Variants in NALF1 observed in about 807,000 individuals in gnomAD.
NALF1 encodes family with sequence similarity 155 member A.
NALF1 carries 3 observed loss-of-function variants against 48.4 expected under a neutral mutation model. The observed-to-expected ratio is 0.06, with a 90% CI of 0.03 to 0.16. NALF1 has a LOEUF of 0.16. Among genes scored for constraint, NALF1 ranks in the 10% least tolerant of loss-of-function variants. NALF1 has a pLI of 1.00. For synonymous variants in NALF1, 262 were observed against 245.7 expected (o/e 1.07, Z -0.62); for missense variants, 526 against 571.5 (o/e 0.92, Z 0.81).
chr13:107,595,774 T>C (rs1018482915), intron 1 of NALF1, among the ~76,000 whole-genome samples: 1 of 152,094 alleles, frequency 6.6e-6, no homozygotes, highest in African/African-American at 2.4e-5. Context: ...AACTGCAAAA[T>C]CAAGGCTCAA....
intron 1 of NALF1, among the ~76,000 whole-genome samples, chr13:107,211,558 T>C (rs1879762449): frequency 6.6e-6 from 1 of 152,120 alleles, no homozygotes; most frequent in Non-Finnish European, 1.5e-5. Flanking sequence ...ATTGAAAAAA[T>C]TGCCTTTTTC....
At chr13:107,675,241 C>G (rs1208210334) in intron 1 of NALF1, among the ~76,000 whole-genome samples, 2 of 152,150 alleles carry the variant, frequency 1.3e-5, no homozygotes, top group African/African-American at 4.8e-5. Context: ...GGTATTTGTC[C>G]CTGGATGTTA....
chr13:107,403,215 T>A (rs1159848874), intron 1 of NALF1, among the ~76,000 whole-genome samples: 2 of 134,884 alleles, frequency 1.5e-5, no homozygotes, highest in Admixed American at 7.5e-5. Context: ...TTTTTTTTTT[T>A]TTTATCATTT....
chr13:107,437,440 T>G (rs957115093), intron 1 of NALF1, among the ~76,000 whole-genome samples: 1 of 152,214 alleles, frequency 6.6e-6, no homozygotes, highest in Non-Finnish European at 1.5e-5. Flanking sequence ...AAGAGAATGC[T>G]TATTGCAGAT....
intron 1 of NALF1, among the ~76,000 whole-genome samples, chr13:107,317,496 T>A (rs550450790): frequency 2.0e-5 from 3 of 152,144 alleles, no homozygotes; most frequent in South Asian, 4.1e-4. Flanking sequence ...CTGGGAATAA[T>A]CTTTAGATGC....
intron 1 of NALF1, among the ~76,000 whole-genome samples, chr13:107,363,097 T>C (rs11620205): frequency 0.26 from 39,978 of 152,098 alleles, 6,264 homozygotes; most frequent in South Asian, 0.36. Context: ...TGTTTCAAAA[T>C]CCTTAAGTCA....
chr13:107,491,940 C>T (rs61965898), intron 1 of NALF1, among the ~76,000 whole-genome samples: 8,162 of 151,158 alleles, frequency 0.054, 317 homozygotes, highest in Non-Finnish European at 0.083. Context: ...TTATTATTAT[C>T]CTGCTGAAAG....
At chr13:107,352,222 G>A (rs1481668560) in intron 1 of NALF1, among the ~76,000 whole-genome samples, 1 of 152,128 alleles carries the variant, frequency 6.6e-6, no homozygotes, top group Non-Finnish European at 1.5e-5. Flanking sequence ...TCATGGGAAG[G>A]AAAGTCTAAT....
chr13:107,867,003 T>G lies in NALF1; in HGVS notation c.-407A>C, dbSNP rs1187783562. On this transcript the variant is annotated 5_prime_UTR_variant, in exon 1 of 3. Transcript: ENST00000375915. The surrounding 1 kb of genome is among the most constrained non-coding windows in gnomAD (Gnocchi z 4.4). ...GAGGTGACAGGGTGGCTGGCGCGGCTCCGGTCACCCAGGCATTGTCAGCGC... is the reference window on the plus strand; with the variant it reads ...GAGGTGACAGGGTGGCTGGCGCGGCGCCGGTCACCCAGGCATTGTCAGCGC... 6.6e-6 allele frequency among the ~76,000 whole-genome samples: 1 copy of G among 151,130 alleles called. No homozygotes were observed. Among genetic ancestry groups the G allele is most frequent in the Admixed American group, 6.6e-5 (1 of 15,220 alleles).
intron 1 of NALF1, among the ~76,000 whole-genome samples, chr13:107,443,913 G>A (rs145791592): frequency 1.2e-4 from 19 of 152,200 alleles, no homozygotes; most frequent in Admixed American, 6.5e-4. Context: ...TGCAGCTTCC[G>A]ATTTTATTAG....
chr13:107,441,854 G>A (rs565342555), intron 1 of NALF1, among the ~76,000 whole-genome samples: 9 of 152,270 alleles, frequency 5.9e-5, no homozygotes, highest in East Asian at 1.9e-4. Context: ...CACAAAATCC[G>A]TAGGTTTGAT....
At chr13:107,560,469 G>A (rs1877613310) in intron 1 of NALF1, among the ~76,000 whole-genome samples, 1 of 151,690 alleles carries the variant, frequency 6.6e-6, no homozygotes, top group Non-Finnish European at 1.5e-5. Flanking sequence ...CACTCCAAAT[G>A]TAAATATATT....
Position 107,163,774 on chromosome 13 carries a change from A to G in NALF1, c.*6723T>C, listed in dbSNP as rs1424763989. The G allele has an allele frequency of 1.3e-5, 2 of 152,178 alleles. No homozygotes were observed. The highest frequency in any genetic ancestry group is 4.8e-5 in the African/African-American group (2 of 41,458). 9.4% of individuals were successfully genotyped at this position (152,178 alleles called of 1,614,324 possible). ...CTTCCTACTTTTAATATGCCACACA[A>G]CATCAACAAATCTAAGAAAAATAGA... On this transcript the variant is annotated 3_prime_UTR_variant, in exon 3 of 3. Coordinates refer to ENST00000375915, the MANE Select transcript of NALF1 (RefSeq NM_001080396.3).
Position 107,210,722 on chromosome 13 carries a change from A to C in NALF1, c.949T>G (p.Phe317Val). Residue 317 changes from phenylalanine to valine, a missense_variant, in exon 2 of 3, where the codon TTT (phenylalanine) becomes GTT (valine). By Grantham distance (50) the Phe-to-Val change is conservative. Transcript: ENST00000375915. The stretch of plus-strand genomic sequence containing the variant: ...CTGCAGTTAAACTGTGTGACTTCAA[A>C]ATACTGGGAACAGAGCCAGGCTTTG... Reference protein sequence around the residue: ...VYKAWLCSQYFEVTQFNCRKT... With the variant: ...VYKAWLCSQYVEVTQFNCRKT... 6.2e-7 allele frequency: 1 copy of C among 1,613,166 alleles called. No homozygotes were observed. The highest frequency in any genetic ancestry group is 8.5e-7 in the Non-Finnish European group (1 of 1,179,098).
At chr13:107,425,602 T>C (rs1018280524) in intron 1 of NALF1, among the ~76,000 whole-genome samples, 1 of 152,180 alleles carries the variant, frequency 6.6e-6, no homozygotes, top group Admixed American at 6.6e-5. Context: ...TGTACAATGA[T>C]GTTGGATATC....
At chr13:107,748,465 A>G (rs568215693) in intron 1 of NALF1, among the ~76,000 whole-genome samples, 5 of 152,330 alleles carry the variant, frequency 3.3e-5, no homozygotes, top group Admixed American at 1.3e-4. Flanking sequence ...CTACATGTAT[A>G]GTATTTATAA....
chr13:107,786,898 A>G (rs1041157149), intron 1 of NALF1, among the ~76,000 whole-genome samples: 11 of 152,220 alleles, frequency 7.2e-5, no homozygotes, highest in Admixed American at 5.9e-4. Context: ...CTAGGAGCTG[A>G]GAGCGGAGCA....
At chr13:107,521,924 TAC>T (rs894148949) in intron 1 of NALF1, among the ~76,000 whole-genome samples, 61 of 148,038 alleles carry the variant, frequency 4.1e-4, no homozygotes, top group East Asian at 2.2e-3. Context: ...TTCTTCAACT[TAC>T]ACACACACAC....
chr13:107,253,587 T>C (rs951570652), intron 1 of NALF1, among the ~76,000 whole-genome samples: 1 of 152,188 alleles, frequency 6.6e-6, no homozygotes, highest in Non-Finnish European at 1.5e-5. Flanking sequence ...AAAGATTAAT[T>C]CTATAGCAAG....
Sources: allele counts gnomAD v4.1 joint callset (sites outside exome capture counted in the v4.1 genomes callset), GRCh38; gene constraint gnomAD v4.1.1; non-coding constraint Gnocchi (gnomAD v3.1); transcripts MANE v1.5; gene names NCBI Gene and HGNC (gene_info 2026-07-23, HGNC 2026-07-21).